The following SEMA4D variants were observed in gnomAD, a reference collection of about 807,000 sequenced individuals.
SEMA4D encodes semaphorin 4D, also known as semaphorin-4D.
A neutral mutation model predicts 74.8 loss-of-function variants in SEMA4D; 22 were observed. That is an observed-to-expected ratio of 0.29 (90% CI 0.21 to 0.42). SEMA4D has a LOEUF of 0.42. SEMA4D is among the 10% of genes least tolerant of loss of function. SEMA4D has a pLI of 1.00. For synonymous variants in SEMA4D, 445 were observed against 463.7 expected, an observed-to-expected ratio of 0.96 and a Z score of 0.52; for missense variants, 937 against 1,118.4, an observed-to-expected ratio of 0.84 and a Z score of 2.31.
At chr9:89,376,682 C>T, downstream of SEMA4D, 6 of 1,148,240 alleles carry the variant, frequency 5.2e-6, no homozygotes, top group South Asian at 1.8e-5. Context: ...ACAATGAAAG[C>T]GTGAAACGGC....
chr9:89,470,189 T>A (rs922818193), intron 1 of SEMA4D, among the ~76,000 whole-genome samples: 5 of 152,130 alleles, frequency 3.3e-5, no homozygotes, highest in Admixed American at 1.3e-4. Flanking sequence ...GTTAAAAGAA[T>A]TAAAAGGCAA....
At chr9:89,363,831 C>T (rs773495302) in exon 17 of SEMA4D, 33 of 1,614,120 alleles carry the variant, frequency 2.0e-5, no homozygotes, top group East Asian at 2.2e-5. Flanking sequence ...TCCCTGATGG[C>T]GTCCTGCAGC....
Position 89,378,554 on chromosome 9 carries a change from A to G in SEMA4D, c.*150T>C. ...CCAAGTCACAGGCTCAACCCAAGAG[A>G]AAATAGACAAGAGGACTGAGGTTGT... On this transcript the variant is annotated 3_prime_UTR_variant, in exon 16 of 16. Transcript: ENST00000422704. The G allele has an allele frequency of 1.6e-6, 1 of 617,196 alleles. No homozygotes were observed. The highest frequency in any genetic ancestry group is 1.8e-5 in the African/African-American group (1 of 54,308). The allele number at this position is 617,196 out of a possible 1,614,324, so 38.2% of individuals were successfully genotyped here.
intron 12 of SEMA4D, 36 bp from the exon 13 acceptor site, chr9:89,386,518 C>A: frequency 6.8e-7 from 1 of 1,462,948 alleles, no homozygotes; most frequent in Non-Finnish European, 9.6e-7. Context: ...TGACACTAAC[C>A]CAGACACAGA....
chr9:89,372,530 A>G (rs76646127), downstream of SEMA4D, among the ~76,000 whole-genome samples: 13,620 of 151,780 alleles, frequency 0.09, 719 homozygotes, highest in South Asian at 0.22. Flanking sequence ...CCCAGGGCCA[A>G]CGCGGTGCAG....
intron 1 of SEMA4D, among the ~76,000 whole-genome samples, chr9:89,471,450 AAG>A (rs1860198578): frequency 6.6e-6 from 1 of 152,232 alleles, no homozygotes; most frequent in Non-Finnish European, 1.5e-5. Context: ...AAAACAATAA[AAG>A]AAGTTCAAAA....
chr9:89,442,771 T>C (rs1294500884), intron 2 of SEMA4D, among the ~76,000 whole-genome samples: 3 of 152,060 alleles, frequency 2.0e-5, no homozygotes, highest in African/African-American at 7.2e-5. Flanking sequence ...CCAGACAGTG[T>C]CTGGCATGGC....
intron 2 of SEMA4D, chr9:89,450,344 A>G: frequency 1.1e-6 from 1 of 942,898 alleles, no homozygotes; most frequent in Non-Finnish European, 1.8e-6. Flanking sequence ...TGAAAACTTG[A>G]CATGCCTTCT....
chr9:89,452,555 G>A (rs1854856467), intron 2 of SEMA4D, among the ~76,000 whole-genome samples: 1 of 151,992 alleles, frequency 6.6e-6, no homozygotes, highest in African/African-American at 2.4e-5. Flanking sequence ...GGCTTCAAGC[G>A]ATTCTCCTAT....
intron 1 of SEMA4D, among the ~76,000 whole-genome samples, chr9:89,462,801 G>A (rs954841344): frequency 2.0e-5 from 3 of 150,296 alleles, no homozygotes; most frequent in African/African-American, 7.4e-5. Context: ...ACAATTAGCT[G>A]GGTGTGGTGA....
chr9:89,431,211 G>A (rs894876634), intron 2 of SEMA4D, among the ~76,000 whole-genome samples: 7 of 152,148 alleles, frequency 4.6e-5, no homozygotes, highest in African/African-American at 9.7e-5. Flanking sequence ...GGCCTGACTG[G>A]CACGTTCCAA....
chr9:89,491,808 G>A (rs147607158), intron 1 of SEMA4D, among the ~76,000 whole-genome samples: 1 of 152,254 alleles, frequency 6.6e-6, no homozygotes. Flanking sequence ...CACTCACTAA[G>A]GTGATGAGGA....
intron 2 of SEMA4D, chr9:89,406,003 C>T (rs1387010797): frequency 1.0e-6 from 1 of 994,496 alleles, no homozygotes; most frequent in Non-Finnish European, 1.2e-6. Flanking sequence ...CGGCTGGCTG[C>T]CCAGCTTCCT....
chr9:89,446,022 G>A (rs1158951571), intron 2 of SEMA4D, among the ~76,000 whole-genome samples: 3 of 152,080 alleles, frequency 2.0e-5, no homozygotes, highest in Non-Finnish European at 4.4e-5. Flanking sequence ...TATCCCTGCA[G>A]GTCTGTCCAT....
intron 2 of SEMA4D, among the ~76,000 whole-genome samples, chr9:89,450,916 C>T (rs1362498437): frequency 6.6e-6 from 1 of 152,148 alleles, no homozygotes; most frequent in Non-Finnish European, 1.5e-5. Flanking sequence ...CAACAACAAC[C>T]AGCTCCATCT....
downstream of SEMA4D, chr9:89,376,902 G>A: frequency 1.9e-6 from 3 of 1,550,894 alleles, no homozygotes; most frequent in Non-Finnish European, 2.6e-6. Flanking sequence ...CTCAGGAAGG[G>A]CGGCAGCAAG....
In SEMA4D at chr9:89,378,663, C is replaced by A. The variant is rs765916757; in HGVS notation, c.*41G>T. On this transcript the variant is annotated 3_prime_UTR_variant, in exon 16 of 16. Transcript: ENST00000422704. The stretch of plus-strand genomic sequence containing the variant: ...AAACACAAAACTCTCCACGCCTGGA[C>A]ACGTCGCAGCCGAGGCACCAGCGGG... The A allele has an allele frequency of 1.5e-5, 22 of 1,499,814 alleles. No homozygotes were observed. Among genetic ancestry groups the A allele is most frequent in the South Asian group, 2.3e-5 (2 of 87,116 alleles). The allele number at this position is 1,499,814 out of a possible 1,614,324, so 92.9% of individuals were successfully genotyped here.
chr9:89,452,210 GCT>G (rs1217194024), intron 2 of SEMA4D, among the ~76,000 whole-genome samples: 7 of 135,076 alleles, frequency 5.2e-5, no homozygotes, highest in Non-Finnish European at 1.1e-4. Flanking sequence ...ATGGAGTCTC[GCT>G]CTGTCACCCA....
In SEMA4D at chr9:89,389,000, G is replaced by A; in HGVS notation, c.822C>T (p.Phe274=). 1.9e-6 allele frequency: 3 copies of A among 1,614,122 alleles called. No individual in the cohort carries two copies. The highest frequency in any genetic ancestry group is 2.5e-6 in the Non-Finnish European group (3 of 1,180,018). Residue 274 remains phenylalanine, a synonymous_variant, in exon 10 of 16, where the codon TTC becomes TTT. Transcript: ENST00000422704. The part of the protein sequence containing the change: ...LRTLQKKWTS[F]LKARLICSRP... ...GGGAGCAGATGAGTCGGGCTTTCAG[G>A]AAGGAGGTCCATTTCTTCTGCAAGG...
Sources: allele counts gnomAD v4.1 joint callset (sites outside exome capture counted in the v4.1 genomes callset), GRCh38; gene constraint gnomAD v4.1.1; transcripts MANE v1.5; gene names NCBI Gene and HGNC (gene_info 2026-07-23, HGNC 2026-07-21).